Variants in CLEC17A observed in about 807,000 individuals in gnomAD.
CLEC17A encodes the protein C-type lectin domain containing 17A.
CLEC17A carries 37 observed loss-of-function variants against 61.3 expected under a neutral mutation model. The ratio of observed to expected loss-of-function variants is 0.60; its 90% CI spans 0.46 to 0.79. The LOEUF is 0.79. Ranked by LOEUF, CLEC17A falls within the 30% of genes least tolerant of loss-of-function variation. The pLI is 0.00. For synonymous variants in CLEC17A, 168 were observed against 164.9 expected (o/e 1.02, Z -0.14); for missense variants, 418 against 464.7 (o/e 0.90, Z 0.92).
intron 3 of CLEC17A, 36 bp from the exon 4 acceptor site, chr19:14,592,245 G>T: frequency 6.5e-7 from 1 of 1,546,348 alleles, no homozygotes; most frequent in Non-Finnish European, 8.7e-7. Context: ...AGGGAGGAGG[G>T]AATGGCTGGG....
intron 8 of CLEC17A, among the ~76,000 whole-genome samples, chr19:14,595,936 GA>G (rs2074535917): frequency 1.4e-5 from 2 of 146,650 alleles, no homozygotes; most frequent in East Asian, 2.0e-4. Context: ...TGTTGGTGAT[GA>G]TAGTAGAGGC....
rs1409957343 is a variant in CLEC17A, at chr19:14,611,501, C to T, written c.*1305C>T. On this transcript the variant is annotated 3_prime_UTR_variant, in exon 14 of 14. Coordinates refer to ENST00000417570, the MANE Select transcript of CLEC17A (RefSeq NM_001204118.2). ...CGAGTGATCCTCCTGCCTCAGCCTC[C>T]CAAGTAGCTGGGACTACAGGCGTTC... 1.3e-5 allele frequency among the ~76,000 whole-genome samples: 2 copies of T among 151,572 alleles called. No individual in the cohort carries two copies. Among genetic ancestry groups the T allele is most frequent in the African/African-American group, 4.9e-5 (2 of 41,216 alleles).
At position 14,597,316 on chromosome 19, in the gene CLEC17A, G is replaced by T. The variant is rs145606155; in HGVS notation, c.646+155G>T. ...GGTAAACATGTCAGACACAGTCTTT[G>T]TCTGACTGTGTGAAGTGTGCATGTG... On this transcript the variant is annotated intron_variant, in intron 10 of 13. Transcript: ENST00000417570. Among the ~76,000 whole-genome samples the T allele has an allele frequency of 3.4e-3, 521 of 152,228 alleles. 1 individual carries two copies. Among genetic ancestry groups the T allele is most frequent in the Non-Finnish European group, 6.1e-3 (418 of 68,020 alleles).
At chr19:14,601,824 G>A (rs886530692) in intron 12 of CLEC17A, among the ~76,000 whole-genome samples, 3 of 151,718 alleles carry the variant, frequency 2.0e-5, no homozygotes, top group African/African-American at 2.4e-5. Flanking sequence ...ATGGAGTCTC[G>A]CTCTGTCACC....
intron 13 of CLEC17A, among the ~76,000 whole-genome samples, chr19:14,607,628 T>C (rs1335014015): frequency 6.6e-6 from 1 of 151,928 alleles, no homozygotes; most frequent in Non-Finnish European, 1.5e-5. Flanking sequence ...CAGGCTGGAG[T>C]GCAATGGTGC....
At chr19:14,600,735 C>A (rs577484860) in intron 12 of CLEC17A, among the ~76,000 whole-genome samples, 1 of 151,230 alleles carries the variant, frequency 6.6e-6, no homozygotes, top group South Asian at 2.1e-4. Flanking sequence ...GTGCCCACCA[C>A]CACGCCCGGC....
intron 2 of CLEC17A, among the ~76,000 whole-genome samples, chr19:14,587,233 ATGTG>A (rs3049160): frequency 3.7e-4 from 54 of 145,348 alleles, no homozygotes; most frequent in South Asian, 1.3e-3. Flanking sequence ...CCAGAGAAAG[ATGTG>A]TGTGTGTGTG....
At chr19:14,587,936 G>A (rs2146672199) in intron 3 of CLEC17A, among the ~76,000 whole-genome samples, 1 of 152,234 alleles carries the variant, frequency 6.6e-6, no homozygotes, top group Non-Finnish European at 1.5e-5. Flanking sequence ...TTGGGGGACT[G>A]AGGGCTCAAA....
chr19:14,607,774 C>A (rs2074937405), intron 13 of CLEC17A, among the ~76,000 whole-genome samples: 1 of 151,402 alleles, frequency 6.6e-6, no homozygotes, highest in African/African-American at 2.4e-5. Flanking sequence ...TGGGGTTTCA[C>A]CATGTTGGCC....
Position 14,607,039 on chromosome 19 carries a change from G to T in CLEC17A, c.941G>T (p.Gly314Val). Residue 314 changes from glycine to valine, a missense_variant, in exon 13 of 14, where the codon GGG (glycine) becomes GTG (valine). Coordinates refer to ENST00000417570, the MANE Select transcript of CLEC17A (RefSeq NM_001204118.2). ...AHGSPRVYWLGLNDRAQEGDW... is the reference protein window; with the variant it reads ...AHGSPRVYWLVLNDRAQEGDW... ...GGCTCTCCACGGGTGTACTGGCTGG[G>T]GCTGAATGACAGGGCCCAGGAAGGG... The T allele has an allele frequency of 7.4e-7, 1 of 1,350,224 alleles. No homozygotes were observed. The highest frequency in any genetic ancestry group is 1.5e-5 in the African/African-American group (1 of 67,370). The allele number at this position is 1,350,224 out of a possible 1,614,324, so 83.6% of individuals were successfully genotyped here. A position where few individuals can be genotyped will look rare whatever the true frequency, so the allele number is the denominator to read the frequency against.
chr19:14,599,309 A>T (rs1004183339), intron 10 of CLEC17A, among the ~76,000 whole-genome samples: 1 of 151,722 alleles, frequency 6.6e-6, no homozygotes, highest in African/African-American at 2.4e-5. Flanking sequence ...GCTGGTCTTG[A>T]ACTCTTGACC....
intron 2 of CLEC17A, among the ~76,000 whole-genome samples, chr19:14,585,265 G>A (rs2074258025): frequency 6.6e-6 from 1 of 152,222 alleles, no homozygotes; most frequent in South Asian, 2.1e-4. Context: ...GAGCTCCTGG[G>A]TCCAAGCAAT....
upstream of CLEC17A, among the ~76,000 whole-genome samples, chr19:14,581,126 C>T (rs2074177800): frequency 2.6e-5 from 4 of 152,118 alleles, 1 homozygote; most frequent in South Asian, 8.3e-4. Context: ...GGAAACCCAA[C>T]CTAATGTTCC....
At chr19:14,583,235 T>C (rs772914382) in intron 1 of CLEC17A, 32 bp downstream of exon 1, 29 of 1,613,210 alleles carry the variant, frequency 1.8e-5, no homozygotes, top group Admixed American at 1.2e-4. Context: ...GGCTGGGGCC[T>C]AGGTGTGGTC....
chr19:14,595,375 C>T (rs1334697820), intron 8 of CLEC17A, 60 bp downstream of exon 8: 22 of 1,574,800 alleles, frequency 1.4e-5, no homozygotes, highest in Non-Finnish European at 1.8e-5. Context: ...AGACCTATGG[C>T]TCTACAGTGA....
At chr19:14,594,349 C>A in intron 4 of CLEC17A, 168 bp from the exon 5 acceptor site, 1 of 742,360 alleles carries the variant, frequency 1.3e-6, no homozygotes, top group Non-Finnish European at 2.3e-6. Context: ...CGTTGGTCAC[C>A]CTACTTAATC....
chr19:14,587,112 C>T (rs982115935), intron 2 of CLEC17A, among the ~76,000 whole-genome samples: 1 of 151,648 alleles, frequency 6.6e-6, no homozygotes, highest in Non-Finnish European at 1.5e-5. Context: ...AGGCTGATCT[C>T]GAACTCCCAA....
chr19:14,606,994 A>T lies in CLEC17A; in HGVS notation c.896A>T (p.Asn299Ile). 2.4e-6 allele frequency: 3 copies of T among 1,276,050 alleles called. No individual in the cohort carries two copies. Among genetic ancestry groups the T allele is most frequent in the Non-Finnish European group, 3.0e-6 (3 of 1,007,204 alleles). The allele number at this position is 1,276,050 out of a possible 1,614,324, so 79.0% of individuals were successfully genotyped here. The change falls in exon 13 of 14, where the codon AAT becomes ATT. Residue 299 changes from asparagine to isoleucine, a missense_variant and splice_region_variant. Transcript: ENST00000417570. ...LVIINSFAEH[N>I]FVAKAHGSPR... is the part of the protein sequence containing the mutation. ...GCTGAATGGAATTTTTATTTGCAGAATTTTGTGGCCAAGGCCCATGGCTCT... is the reference window on the plus strand; with the variant it reads ...GCTGAATGGAATTTTTATTTGCAGATTTTTGTGGCCAAGGCCCATGGCTCT...
chr19:14,599,657 G>T, intron 10 of CLEC17A, 60 bp from the exon 11 acceptor site: 1 of 1,200,418 alleles, frequency 8.3e-7, no homozygotes, highest in Non-Finnish European at 1.2e-6. Context: ...TCTGCAGTCC[G>T]TGGTGGATGG....
Sources: allele counts gnomAD v4.1 joint callset (sites outside exome capture counted in the v4.1 genomes callset), GRCh38; gene constraint gnomAD v4.1.1; transcripts MANE v1.5; gene names NCBI Gene and HGNC (gene_info 2026-07-23, HGNC 2026-07-21).